AGBL4: variants seen among roughly 807,000 people sequenced by gnomAD.
The protein encoded by AGBL4 is AGBL carboxypeptidase 4.
A neutral mutation model predicts 66.4 loss-of-function variants in AGBL4; 58 were observed. The observed-to-expected ratio is 0.87, with a 90% CI of 0.71 to 1.09. The LOEUF (loss-of-function observed/expected upper bound fraction) is 1.09. Among genes scored for constraint, AGBL4 ranks in the 50% least tolerant of loss-of-function variants. The pLI is 0.00. For synonymous variants in AGBL4, 234 were observed against 222.9 expected (o/e 1.05, Z -0.44); for missense variants, 579 against 631.0 (o/e 0.92, Z 0.88).
At chr1:48,836,959 GATA>G (rs1646689339) in intron 6 of AGBL4, among the ~76,000 whole-genome samples, 1 of 147,594 alleles carries the variant, frequency 6.8e-6, no homozygotes, top group African/African-American at 2.5e-5. Context: ...ATAATAAAAA[GATA>G]ATATATACAA....
At chr1:49,818,185 T>G (rs907496859) in intron 2 of AGBL4, among the ~76,000 whole-genome samples, 1 of 152,116 alleles carries the variant, frequency 6.6e-6, no homozygotes, top group Admixed American at 6.5e-5. Context: ...CTACTTAATA[T>G]CCACATAAGA....
chr1:49,189,900 T>G (rs1302202496), intron 4 of AGBL4, among the ~76,000 whole-genome samples: 3 of 152,228 alleles, frequency 2.0e-5, no homozygotes, highest in Non-Finnish European at 4.4e-5. Flanking sequence ...TGTTTAACTC[T>G]AAAACCCATA....
chr1:49,834,552 G>T (rs1376542103), intron 2 of AGBL4, among the ~76,000 whole-genome samples: 10 of 151,388 alleles, frequency 6.6e-5, no homozygotes, highest in Non-Finnish European at 1.5e-5. Context: ...TTCATTGAAG[G>T]GTTTTTTGTG....
intron 2 of AGBL4, among the ~76,000 whole-genome samples, chr1:49,724,333 A>ATAAAATT (rs1648846438): frequency 6.6e-6 from 1 of 152,162 alleles, no homozygotes; most frequent in Non-Finnish European, 1.5e-5. Context: ...TATTTTATAA[A>ATAAAATT]ATACTTGCTC....
chr1:48,539,553 G>A lies in AGBL4; in HGVS notation c.1364+89C>T, dbSNP rs115358526. 871 of 1,028,036 alleles carry A rather than the reference G, an allele frequency of 8.5e-4. 4 individuals carry two copies. In the African/African-American group the frequency reaches 0.013, roughly 16 times the overall value. The allele number at this position is 1,028,036 out of a possible 1,614,324, so 63.7% of individuals were successfully genotyped here. On this transcript the variant is annotated intron_variant, in intron 12 of 13. Coordinates refer to ENST00000371839, the MANE Select transcript of AGBL4 (RefSeq NM_032785.4). ...TTTCCTGCGGCACAGATGGGATGCT[G>A]AGTGTCAGCAAAAGGCTAAGGGAAG...
Position 49,062,318 on chromosome 1 carries a change from G to A in AGBL4, c.378-16518C>T, listed in dbSNP as rs547781193. ...TCCTCCTTCCACCTAGATTAGCTAT[G>A]CCCACTCCTTACCCTGTCTCAGCCC... On this transcript the variant is annotated intron_variant, in intron 4 of 13. Coordinates refer to ENST00000371839, the MANE Select transcript of AGBL4 (RefSeq NM_032785.4). Among the ~76,000 whole-genome samples, 7 of 152,156 alleles carry A rather than the reference G, an allele frequency of 4.6e-5. No homozygotes were observed. In the South Asian group the frequency reaches 1.5e-3, roughly 32 times the overall value.
intron 3 of AGBL4, among the ~76,000 whole-genome samples, chr1:49,577,035 G>T (rs114577982): frequency 0.015 from 2,252 of 152,284 alleles, 20 homozygotes; most frequent in Non-Finnish European, 0.024. Flanking sequence ...CTGATTCAAG[G>T]GCTGTAGCCA....
rs576128582 is a variant in AGBL4 at position 49,467,128 on chromosome 1, G to A, written c.283-221264C>T. ...GGTTGAATTGGGAAGGCAGCCAAACGTAAAAGTCAACCATGACTTCTCTAC... is the reference window on the plus strand; with the variant it reads ...GGTTGAATTGGGAAGGCAGCCAAACATAAAAGTCAACCATGACTTCTCTAC... On this transcript the variant is annotated intron_variant, in intron 3 of 13. Transcript: ENST00000371839. Among the ~76,000 whole-genome samples, 8 of 151,934 alleles carry A rather than the reference G, an allele frequency of 5.3e-5. No individual in the cohort carries two copies. The South Asian group carries it at 6.2e-4, about 12-fold the overall frequency.
In AGBL4 at chr1:48,669,346, C is replaced by A. The variant is rs141097560; in HGVS notation, c.635-6105G>T. On this transcript the variant is annotated intron_variant, in intron 6 of 13. Transcript: ENST00000371839. The stretch of plus-strand genomic sequence containing the variant: ...GTGGAATGGGGTTCCTCAGCATCAA[C>A]CCTACAGGTATGTTGAGCTGCAGAG... Among the ~76,000 whole-genome samples the A allele has an allele frequency of 9.2e-5, 14 of 152,320 alleles. No homozygotes were observed. The East Asian group carries it at 2.5e-3, about 27-fold the overall frequency.
At position 48,813,116 on chromosome 1, in the gene AGBL4, T is replaced by TA. The variant is rs1286545989; in HGVS notation, c.634+54074dup. Among the ~76,000 whole-genome samples, 7 of 151,484 alleles carry TA rather than the reference T, an allele frequency of 4.6e-5. No individual in the cohort carries two copies. The East Asian group carries it at 9.7e-4, about 21-fold the overall frequency. ...CCTAAAACTTAAAGTATAATAATAATAAAAAAAATGGAGTGATAAGTGCTT... is the reference window on the plus strand; with the variant it reads ...CCTAAAACTTAAAGTATAATAATAATAAAAAAAAATGGAGTGATAAGTGCTT... On this transcript the variant is annotated intron_variant, in intron 6 of 13. Transcript: ENST00000371839.
chr1:49,741,652 T>C, intron 2 of AGBL4, among the ~76,000 whole-genome samples: 1 of 152,134 alleles, frequency 6.6e-6, no homozygotes, highest in Admixed American at 6.6e-5. Flanking sequence ...AAATCCTCAA[T>C]AAAATACTGG....
intron 3 of AGBL4, among the ~76,000 whole-genome samples, chr1:49,644,308 A>C (rs972143063): frequency 6.6e-6 from 1 of 151,580 alleles, no homozygotes; most frequent in African/African-American, 2.4e-5. Flanking sequence ...ATAGACAAAT[A>C]ATTATAAAAA....
At chr1:49,289,926 G>T (rs1425101858) in intron 3 of AGBL4, among the ~76,000 whole-genome samples, 1 of 151,944 alleles carries the variant, frequency 6.6e-6, no homozygotes, top group Non-Finnish European at 1.5e-5. Flanking sequence ...CTTTAAAAGG[G>T]TTAATGAAAC....
chr1:49,001,151 T>C (rs1056699821), intron 5 of AGBL4, among the ~76,000 whole-genome samples: 3 of 152,208 alleles, frequency 2.0e-5, no homozygotes, highest in African/African-American at 7.2e-5. Flanking sequence ...AGGTCTGCTT[T>C]GTTTCGAGAA....
rs143906061 is a variant in AGBL4 at position 49,748,966 on chromosome 1, G to A, written c.158-51529C>T. Among the ~76,000 whole-genome samples the A allele has an allele frequency of 6.5e-3, 991 of 151,722 alleles. 5 individuals carry two copies. Among genetic ancestry groups the A allele is most frequent in the Middle Eastern group, 0.031 (9 of 294 alleles). On this transcript the variant is annotated intron_variant, in intron 2 of 13. Transcript: ENST00000371839. ...CTCCCATTCTATAGGTTGTCTGTTC[G>A]TTCTAATGATAGTTTCTTTTGCTGT...
chr1:49,755,219 G>C (rs1558224887), intron 2 of AGBL4, among the ~76,000 whole-genome samples: 1 of 152,114 alleles, frequency 6.6e-6, no homozygotes, highest in Non-Finnish European at 1.5e-5. Context: ...TAACAGAAGA[G>C]TAGTCTGTTT....
intron 6 of AGBL4, among the ~76,000 whole-genome samples, chr1:48,735,687 T>C (rs1247279218): frequency 3.9e-5 from 6 of 151,982 alleles, no homozygotes; most frequent in African/African-American, 1.4e-4. Context: ...GGAAGCTGAA[T>C]CTAGTGACTA....
intron 3 of AGBL4, among the ~76,000 whole-genome samples, chr1:49,320,838 G>A (rs938042749): frequency 6.6e-6 from 1 of 152,158 alleles, no homozygotes; most frequent in African/African-American, 2.4e-5. Flanking sequence ...CATGGCTGGG[G>A]AGGCCTCAGG....
chr1:49,656,573 A>C (rs1646138679), intron 3 of AGBL4, among the ~76,000 whole-genome samples: 1 of 152,190 alleles, frequency 6.6e-6, no homozygotes, highest in South Asian at 2.1e-4. Flanking sequence ...TTTTAGACCA[A>C]TATCCCTGAT....
Sources: gnomAD v4.1 joint callset for allele counts (sites outside exome capture counted in the v4.1 genomes callset) on GRCh38, gnomAD v4.1.1 for gene constraint, MANE v1.5 for transcripts, NCBI Gene and HGNC (gene_info 2026-07-23, HGNC 2026-07-21) for gene names.